Variants in CNTNAP5 observed in about 807,000 individuals in gnomAD.
CNTNAP5 encodes contactin associated protein family member 5.
A neutral mutation model predicts 150.2 loss-of-function variants in CNTNAP5; 72 were observed. The ratio of observed to expected loss-of-function variants is 0.48; its 90% CI spans 0.40 to 0.58. The LOEUF (loss-of-function observed/expected upper bound fraction) is 0.58, where lower values mean the gene tolerates loss of function less well. Among genes scored for constraint, CNTNAP5 ranks in the 20% least tolerant of loss-of-function variants. The probability of loss-of-function intolerance (pLI) is 0.00; values close to 1 mark genes in which losing one functional copy is unlikely to be tolerated. For missense variants in CNTNAP5, 1,636 were observed against 1,626.2 expected (o/e 1.01, Z -0.10); for synonymous variants, 672 against 619.8 (o/e 1.08, Z -1.25).
At chr2:124,451,049 A>ATATATATATATATAT (rs1220088749) in intron 6 of CNTNAP5, among the ~76,000 whole-genome samples, 2 of 73,720 alleles carry the variant, frequency 2.7e-5, no homozygotes, top group African/African-American at 5.6e-5. Context: ...AAAAAAAAAA[A>ATATATATATATATAT]AAATATATAT....
chr2:124,647,676 A>C (rs1678231666), intron 12 of CNTNAP5, 82 bp from the exon 13 acceptor site: 1 of 1,267,748 alleles, frequency 7.9e-7, no homozygotes, highest in Non-Finnish European at 1.1e-6. Flanking sequence ...TTGCACGCTG[A>C]GTGGCCCATC....
At chr2:124,639,824 A>T (rs923568412) in intron 12 of CNTNAP5, among the ~76,000 whole-genome samples, 8 of 152,154 alleles carry the variant, frequency 5.3e-5, no homozygotes, top group Non-Finnish European at 1.0e-4. Context: ...ACAGCCTCAC[A>T]GTCCTCTTTC....
At chr2:124,446,319 C>G (rs1274025922) in intron 5 of CNTNAP5, among the ~76,000 whole-genome samples, 1 of 152,100 alleles carries the variant, frequency 6.6e-6, no homozygotes, top group Non-Finnish European at 1.5e-5. Context: ...CTGCTTTTGC[C>G]CACAAACTTA....
chr2:124,245,190 T>C (rs1686986862), intron 3 of CNTNAP5, among the ~76,000 whole-genome samples: 1 of 152,198 alleles, frequency 6.6e-6, no homozygotes, highest in African/African-American at 2.4e-5. Flanking sequence ...TACCTATTTG[T>C]ATTTGTGTAT....
chr2:124,049,132 G>A (rs559651712), intron 1 of CNTNAP5, among the ~76,000 whole-genome samples: 1 of 152,102 alleles, frequency 6.6e-6, no homozygotes, highest in Non-Finnish European at 1.5e-5. Flanking sequence ...AGGGCTTTTT[G>A]CTTTATCACT....
chr2:124,449,331 G>T (rs1347590080), intron 6 of CNTNAP5, among the ~76,000 whole-genome samples: 5 of 152,012 alleles, frequency 3.3e-5, no homozygotes, highest in Non-Finnish European at 5.9e-5. Flanking sequence ...AAAGAAAAGA[G>T]ATATTTTTTA....
At chr2:124,294,022 T>C (rs1165598492) in intron 3 of CNTNAP5, among the ~76,000 whole-genome samples, 1 of 152,092 alleles carries the variant, frequency 6.6e-6, no homozygotes, top group Non-Finnish European at 1.5e-5. Flanking sequence ...CACTGTGAAG[T>C]TGATCCCAGG....
chr2:124,707,438 A>C (rs1410755609), intron 13 of CNTNAP5, among the ~76,000 whole-genome samples: 1 of 152,216 alleles, frequency 6.6e-6, no homozygotes, highest in African/African-American at 2.4e-5. Context: ...AGTGTGGTAC[A>C]TTTTTTGAAC....
At chr2:124,313,411 T>A (rs980898907) in intron 3 of CNTNAP5, among the ~76,000 whole-genome samples, 1 of 152,208 alleles carries the variant, frequency 6.6e-6, no homozygotes, top group Admixed American at 6.5e-5. Context: ...TTAGGATCAT[T>A]TGACACTGAA....
intron 20 of CNTNAP5, among the ~76,000 whole-genome samples, chr2:124,868,641 A>C (rs558650966): frequency 6.6e-6 from 1 of 152,088 alleles, no homozygotes; most frequent in South Asian, 2.1e-4. Context: ...TTACTTATCA[A>C]ATTTTCTGTC....
At chr2:124,426,771 C>T (rs1692247865) in intron 4 of CNTNAP5, among the ~76,000 whole-genome samples, 1 of 152,170 alleles carries the variant, frequency 6.6e-6, no homozygotes, top group African/African-American at 2.4e-5. Flanking sequence ...CAGCATATGC[C>T]TCCAGAACTC....
intron 1 of CNTNAP5, among the ~76,000 whole-genome samples, chr2:124,177,120 C>CT (rs755754534): frequency 6.6e-6 from 1 of 151,998 alleles, no homozygotes; most frequent in Non-Finnish European, 1.5e-5. Flanking sequence ...ATTGATGGGA[C>CT]TATAGGTGTG....
At chr2:124,100,515 T>C (rs1683039053) in intron 1 of CNTNAP5, among the ~76,000 whole-genome samples, 1 of 151,988 alleles carries the variant, frequency 6.6e-6, no homozygotes, top group South Asian at 2.1e-4. Flanking sequence ...TTGTTCAGAG[T>C]CTGGAATTTT....
chr2:124,113,180 TC>T (rs1385116163), intron 1 of CNTNAP5, among the ~76,000 whole-genome samples: 1 of 152,054 alleles, frequency 6.6e-6, no homozygotes, highest in Non-Finnish European at 1.5e-5. Context: ...ATGCACATCA[TC>T]CTAACAGCAT....
intron 11 of CNTNAP5, among the ~76,000 whole-genome samples, chr2:124,567,706 T>C (rs922302452): frequency 1.4e-4 from 22 of 152,206 alleles, no homozygotes; most frequent in African/African-American, 5.3e-4. Context: ...CAGAAGCCTG[T>C]ATAATCAAAA....
intron 3 of CNTNAP5, among the ~76,000 whole-genome samples, chr2:124,407,181 T>C (rs1278681755): frequency 6.6e-6 from 1 of 152,190 alleles, no homozygotes; most frequent in African/African-American, 2.4e-5. Flanking sequence ...TATACTAATT[T>C]CCTTTCCTTT....
At chr2:124,167,790 C>A (rs1023020025) in intron 1 of CNTNAP5, among the ~76,000 whole-genome samples, 3 of 152,100 alleles carry the variant, frequency 2.0e-5, no homozygotes, top group African/African-American at 7.2e-5. Flanking sequence ...ACTACCTTCC[C>A]CTTCCTGTGC....
intron 19 of CNTNAP5, among the ~76,000 whole-genome samples, chr2:124,852,230 T>C (rs1223727794): frequency 6.6e-6 from 1 of 152,176 alleles, no homozygotes; most frequent in East Asian, 1.9e-4. Flanking sequence ...ACTAATCAAT[T>C]ATGACTGACA....
intron 3 of CNTNAP5, among the ~76,000 whole-genome samples, chr2:124,247,616 A>G (rs908433179): frequency 6.6e-6 from 1 of 152,152 alleles, no homozygotes; most frequent in Non-Finnish European, 1.5e-5. Flanking sequence ...GAAAATGGTG[A>G]AAGTGAGGTG....
Sources: gnomAD v4.1 joint callset for allele counts (sites outside exome capture counted in the v4.1 genomes callset) on GRCh38, gnomAD v4.1.1 for gene constraint, MANE v1.5 for transcripts, NCBI Gene and HGNC (gene_info 2026-07-23, HGNC 2026-07-21) for gene names.